Variants in TSC22D2 observed in about 807,000 individuals in gnomAD.
The protein encoded by TSC22D2 is TSC22 domain family member 2, also known as TSC22 domain family protein 2.
A neutral mutation model predicts 50.1 loss-of-function variants in TSC22D2; 5 were observed. The observed-to-expected ratio is 0.10, with a 90% CI of 0.05 to 0.21. The LOEUF is 0.21. Ranked by LOEUF, TSC22D2 falls within the 10% of genes least tolerant of loss-of-function variation. TSC22D2 has a pLI of 1.00. For synonymous variants in TSC22D2, 501 were observed against 450.1 expected (o/e 1.11, Z -1.43); for missense variants, 1,003 against 1,015.5 (o/e 0.99, Z 0.17).
intron 1 of TSC22D2, among the ~76,000 whole-genome samples, chr3:150,430,117 A>G (rs1455482922): frequency 1.3e-5 from 2 of 152,142 alleles, no homozygotes; most frequent in African/African-American, 2.4e-5. Context: ...TAAGCACTTC[A>G]TATCTCTCAA....
intron 1 of TSC22D2, among the ~76,000 whole-genome samples, chr3:150,448,969 A>G (rs1027474441): frequency 3.3e-5 from 5 of 151,930 alleles, no homozygotes; most frequent in Non-Finnish European, 1.5e-5. Context: ...ATAGATCTTT[A>G]CCACAAATTT....
intron 1 of TSC22D2, among the ~76,000 whole-genome samples, chr3:150,422,323 C>CT (rs1232971448): frequency 6.6e-6 from 1 of 152,162 alleles, no homozygotes; most frequent in African/African-American, 2.4e-5. Flanking sequence ...GTGAATCATA[C>CT]TTACTGGGAG....
chr3:150,437,690 C>T (rs1301114803), intron 1 of TSC22D2, among the ~76,000 whole-genome samples: 1 of 151,884 alleles, frequency 6.6e-6, no homozygotes, highest in African/African-American at 2.4e-5. Flanking sequence ...TGCCTGTAAT[C>T]CCACCTACTC....
chr3:150,452,762 C>T (rs1180841301), intron 1 of TSC22D2, among the ~76,000 whole-genome samples: 1 of 152,290 alleles, frequency 6.6e-6, no homozygotes, highest in East Asian at 1.9e-4. Context: ...TTTGGAGCAG[C>T]AATTCCAGTA....
intron 1 of TSC22D2, among the ~76,000 whole-genome samples, chr3:150,422,833 T>C (rs1273956264): frequency 6.6e-6 from 1 of 152,254 alleles, no homozygotes; most frequent in Non-Finnish European, 1.5e-5. Context: ...ATTTTATAAC[T>C]GTGATCCTGA....
intron 1 of TSC22D2, among the ~76,000 whole-genome samples, chr3:150,429,799 C>T (rs998317947): frequency 2.0e-5 from 3 of 151,994 alleles, no homozygotes; most frequent in Non-Finnish European, 4.4e-5. Context: ...CGTGTTTGTC[C>T]CCAATTATAG....
chr3:150,419,259 G>A (rs1362021304), intron 1 of TSC22D2, among the ~76,000 whole-genome samples: 1 of 151,988 alleles, frequency 6.6e-6, no homozygotes, highest in African/African-American at 2.4e-5. Flanking sequence ...ACAAAGCCTA[G>A]ACTCATATTC....
chr3:150,440,984 A>C (rs1327484395), intron 1 of TSC22D2, among the ~76,000 whole-genome samples: 1 of 151,180 alleles, frequency 6.6e-6, no homozygotes, highest in Non-Finnish European at 1.5e-5. Flanking sequence ...TTAAAAATGC[A>C]CAAACAACGT....
intron 1 of TSC22D2, among the ~76,000 whole-genome samples, chr3:150,435,358 TA>T (rs1432767263): frequency 3.3e-5 from 5 of 152,242 alleles, no homozygotes; most frequent in Admixed American, 6.5e-5. Flanking sequence ...TACTAATTTT[TA>T]AAGTAAATTT....
intron 1 of TSC22D2, among the ~76,000 whole-genome samples, chr3:150,440,614 G>A (rs1298443167): frequency 7.1e-6 from 1 of 141,156 alleles, no homozygotes; most frequent in Admixed American, 7.0e-5. Context: ...TATATTGCAT[G>A]TAAAACCCTT....
intron 1 of TSC22D2, among the ~76,000 whole-genome samples, chr3:150,448,093 C>A (rs1720938397): frequency 6.6e-6 from 1 of 152,140 alleles, no homozygotes; most frequent in African/African-American, 2.4e-5. Context: ...CCTGTCCTTT[C>A]TTAGGTCTTA....
chr3:150,456,479 C>T (rs865854454), intron 1 of TSC22D2, among the ~76,000 whole-genome samples: 23 of 152,210 alleles, frequency 1.5e-4, no homozygotes, highest in Middle Eastern at 3.4e-3. Context: ...TGAGCCACCA[C>T]GCCCGGCTGA....
chr3:150,434,214 T>G (rs1398555156), intron 1 of TSC22D2, among the ~76,000 whole-genome samples: 1 of 150,850 alleles, frequency 6.6e-6, no homozygotes, highest in Non-Finnish European at 1.5e-5. Context: ...AGTGGCACAA[T>G]GTTGGCTCAC....
At chr3:150,445,473 G>A (rs1720856062) in intron 1 of TSC22D2, among the ~76,000 whole-genome samples, 1 of 151,774 alleles carries the variant, frequency 6.6e-6, no homozygotes, top group Non-Finnish European at 1.5e-5. Flanking sequence ...GAATAACTAG[G>A]ATTTTATTTT....
intron 1 of TSC22D2, among the ~76,000 whole-genome samples, chr3:150,416,616 C>T (rs768318919): frequency 2.0e-5 from 3 of 151,948 alleles, no homozygotes; most frequent in Non-Finnish European, 2.9e-5. Context: ...TCAAATTACT[C>T]GATATTTGTT....
rs541083198 is a variant in TSC22D2, at chr3:150,449,272, C to T, written c.1959-7804C>T. On this transcript the variant is annotated intron_variant, in intron 1 of 2. Transcript: ENST00000688009. ...TTTCCTGTCTGCCATTTGTTCATGTCTGGAGTTTACACTGTAAAAGATAAC... is the reference window on the plus strand; with the variant it reads ...TTTCCTGTCTGCCATTTGTTCATGTTTGGAGTTTACACTGTAAAAGATAAC... 5.5e-4 allele frequency among the ~76,000 whole-genome samples: 83 copies of T among 152,260 alleles called. 1 individual carries two copies. In the South Asian group the frequency reaches 0.011, roughly 20 times the overall value.
chr3:150,412,666 C>T lies in TSC22D2; in HGVS notation c.1958+1358C>T, dbSNP rs916909210. ...ACTTGAGAACGCTTAGAGAATACCACGTGTCCATAAGTGAGCTCAGCTAGC... is the reference window on the plus strand; with the variant it reads ...ACTTGAGAACGCTTAGAGAATACCATGTGTCCATAAGTGAGCTCAGCTAGC... On this transcript the variant is annotated intron_variant, in intron 1 of 2. Transcript: ENST00000688009. 9.2e-5 allele frequency among the ~76,000 whole-genome samples: 14 copies of T among 152,124 alleles called. 1 individual carries two copies. Among genetic ancestry groups the T allele is most frequent in the Admixed American group, 8.5e-4 (13 of 15,274 alleles).
intron 1 of TSC22D2, among the ~76,000 whole-genome samples, chr3:150,412,472 TC>T (rs2108058827): frequency 6.6e-6 from 1 of 152,356 alleles, no homozygotes; most frequent in African/African-American, 2.4e-5. Context: ...TCTTCTGAGT[TC>T]CTTCACATTT....
rs897340455 is a variant in TSC22D2 at position 150,441,924 on chromosome 3, C to T, written c.1959-15152C>T. ...CATTACTTCCAGCCTAGGCATCTCT[C>T]CTTACATTCAAACTTACCTGATCTC... On this transcript the variant is annotated intron_variant, in intron 1 of 2. Transcript: ENST00000688009. Among the ~76,000 whole-genome samples the T allele has an allele frequency of 2.6e-5, 4 of 152,186 alleles. No homozygotes were observed. In the East Asian group the frequency reaches 7.7e-4, roughly 29 times the overall value.
Sources: allele counts gnomAD v4.1 joint callset (sites outside exome capture counted in the v4.1 genomes callset), GRCh38; gene constraint gnomAD v4.1.1; transcripts MANE v1.5; gene names NCBI Gene and HGNC (gene_info 2026-07-23, HGNC 2026-07-21).